The following NRG1 variants were observed in gnomAD, a reference collection of about 807,000 sequenced individuals.
The protein encoded by NRG1 is neuregulin 1, also known as pro-neuregulin-1, membrane-bound isoform.
A neutral mutation model predicts 63.8 loss-of-function variants in NRG1; 18 were observed. The observed-to-expected ratio is 0.28, with a 90% CI of 0.19 to 0.42. The LOEUF (loss-of-function observed/expected upper bound fraction) is 0.42. Ranked by LOEUF, NRG1 falls within the 10% of genes least tolerant of loss-of-function variation. The pLI, the probability that NRG1 is intolerant of heterozygous loss-of-function variation, is 1.00. For missense variants in NRG1, 762 were observed against 814.7 expected, an observed-to-expected ratio of 0.94 and a Z score of 0.79; for synonymous variants, 302 against 301.3, an observed-to-expected ratio of 1.00 and a Z score of -0.02.
chr8:31,690,533 G>A (rs1809387611), intron 1 of NRG1, among the ~76,000 whole-genome samples: 1 of 152,202 alleles, frequency 6.6e-6, no homozygotes, highest in African/African-American at 2.4e-5. Flanking sequence ...CTTGGGCCAA[G>A]ATGTTGAATA....
chr8:32,168,048 G>T (rs115399500), intron 1 of NRG1, among the ~76,000 whole-genome samples: 3,153 of 152,104 alleles, frequency 0.021, 107 homozygotes, highest in African/African-American at 0.073. Context: ...AGCTCTCCCT[G>T]CCCACATCCC....
chr8:32,457,916 C>CTTTTTT (rs11332070), intron 1 of NRG1, among the ~76,000 whole-genome samples: 1 of 147,650 alleles, frequency 6.8e-6, no homozygotes. Context: ...CGTAAAGCAA[C>CTTTTTT]TTTTTTTTTT....
chr8:31,764,401 AC>A (rs1234419874), intron 1 of NRG1, among the ~76,000 whole-genome samples: 1 of 152,070 alleles, frequency 6.6e-6, no homozygotes, highest in Non-Finnish European at 1.5e-5. Flanking sequence ...TTCCCTCCTG[AC>A]CCCATTCCCT....
chr8:31,859,404 T>A (rs1289066900), intron 1 of NRG1, among the ~76,000 whole-genome samples: 1 of 152,192 alleles, frequency 6.6e-6, no homozygotes, highest in Non-Finnish European at 1.5e-5. Flanking sequence ...GTTATTTTCA[T>A]CACAATGTGA....
chr8:32,427,980 A>T (rs1465873709), intron 1 of NRG1, among the ~76,000 whole-genome samples: 1 of 152,210 alleles, frequency 6.6e-6, no homozygotes, highest in Non-Finnish European at 1.5e-5. Flanking sequence ...ACAACAACGG[A>T]AGTTTATTTT....
intron 1 of NRG1, among the ~76,000 whole-genome samples, chr8:31,880,150 A>G (rs1585461729): frequency 6.6e-6 from 1 of 152,306 alleles, no homozygotes; most frequent in East Asian, 1.9e-4. Context: ...TAAAAGCAGA[A>G]CTACCGTTTG....
At chr8:31,766,020 A>G (rs989140322) in intron 1 of NRG1, among the ~76,000 whole-genome samples, 1 of 152,168 alleles carries the variant, frequency 6.6e-6, no homozygotes, top group South Asian at 2.1e-4. Context: ...TTACCACAAT[A>G]AGTCATTTGT....
intron 1 of NRG1, among the ~76,000 whole-genome samples, chr8:32,094,236 C>A (rs1206685927): frequency 1.3e-5 from 2 of 152,120 alleles, no homozygotes; most frequent in Non-Finnish European, 2.9e-5. Context: ...GCTTACGTAG[C>A]CCCTGAATTA....
chr8:32,390,501 C>G (rs10755888), intron 1 of NRG1, among the ~76,000 whole-genome samples: 137,529 of 151,728 alleles, frequency 0.91, 63,038 homozygotes, highest in Non-Finnish European at 0.95. Context: ...TACTCAGGAG[C>G]CTGAGGTGGG....
intron 7 of NRG1, among the ~76,000 whole-genome samples, chr8:32,743,573 CATATATAT>C (rs71879821): frequency 1.8e-5 from 2 of 113,714 alleles, no homozygotes; most frequent in Non-Finnish European, 3.4e-5. Flanking sequence ...TAAGGCAAAA[CATATATAT>C]ATATATATAT....
intron 1 of NRG1, among the ~76,000 whole-genome samples, chr8:31,860,690 T>A (rs1055587599): frequency 1.3e-5 from 2 of 152,212 alleles, no homozygotes; most frequent in African/African-American, 4.8e-5. Flanking sequence ...TTGGCGTGTT[T>A]GAATAATATA....
chr8:32,402,688 G>A lies in NRG1; in HGVS notation c.38-193140G>A, dbSNP rs183191771. 2.2e-3 allele frequency among the ~76,000 whole-genome samples: 329 copies of A among 152,288 alleles called. 1 individual carries two copies. The highest frequency in any genetic ancestry group is 7.7e-3 in the African/African-American group (320 of 41,562). ...TCAAAGCACAGGAGTAGCAATGCTG[G>A]AGATTTGGAGCTGCCAAAGAGAAGC... is the stretch of plus-strand genomic sequence containing the variant. On this transcript the variant is annotated intron_variant, in intron 1 of 10. Coordinates refer to the NRG1 transcript ENST00000519301.
intron 1 of NRG1, among the ~76,000 whole-genome samples, chr8:32,248,218 G>A (rs1016736868): frequency 2.0e-5 from 3 of 151,932 alleles, no homozygotes; most frequent in Non-Finnish European, 4.4e-5. Context: ...CATGTATATT[G>A]ATTATAATTT....
chr8:32,552,546 G>A (rs1250245526), intron 1 of NRG1, among the ~76,000 whole-genome samples: 1 of 152,102 alleles, frequency 6.6e-6, no homozygotes, highest in African/African-American at 2.4e-5. Flanking sequence ...TCTGCAGGCT[G>A]AAGTGCTTGT....
chr8:32,374,452 T>C (rs2129482937), intron 1 of NRG1, among the ~76,000 whole-genome samples: 1 of 152,342 alleles, frequency 6.6e-6, no homozygotes, highest in South Asian at 2.1e-4. Context: ...ATCGGAGGCA[T>C]CATCCTCCTT....
chr8:32,328,428 C>T (rs7825625), intron 1 of NRG1, among the ~76,000 whole-genome samples: 32 of 141,430 alleles, frequency 2.3e-4, no homozygotes, highest in African/African-American at 5.2e-4. Context: ...AATTTAACAT[C>T]TTTTTTTTTT....
At chr8:31,970,809 C>T (rs750419173) in intron 1 of NRG1, among the ~76,000 whole-genome samples, 59 of 152,138 alleles carry the variant, frequency 3.9e-4, no homozygotes, top group Non-Finnish European at 7.2e-4. Context: ...TCTCAAATAC[C>T]GGAAGCATGG....
intron 1 of NRG1, among the ~76,000 whole-genome samples, chr8:32,171,800 G>T (rs111943133): frequency 0.012 from 1,799 of 152,218 alleles, 9 homozygotes; most frequent in Admixed American, 0.018. Context: ...GGCTGGGGGA[G>T]GGACGCCCGC....
At chr8:32,066,858 T>C (rs1047356175) in intron 1 of NRG1, among the ~76,000 whole-genome samples, 47 of 152,146 alleles carry the variant, frequency 3.1e-4, no homozygotes, top group African/African-American at 1.0e-3. Context: ...TCCTCTTTTA[T>C]TTCGTTGAGC....
Sources: gnomAD v4.1 joint callset for allele counts (sites outside exome capture counted in the v4.1 genomes callset) on GRCh38, gnomAD v4.1.1 for gene constraint, MANE v1.5 for transcripts, NCBI Gene and HGNC (gene_info 2026-07-23, HGNC 2026-07-21) for gene names.